The following FGF14 variants were observed in gnomAD, a reference collection of about 807,000 sequenced individuals.
FGF14 encodes the protein fibroblast growth factor 14.
In FGF14, 5 loss-of-function variants were observed where a neutral mutation model predicts 25.5. That is an observed-to-expected ratio of 0.20 (90% CI 0.10 to 0.41). The LOEUF (loss-of-function observed/expected upper bound fraction) is 0.41, where lower values mean the gene tolerates loss of function less well. Ranked by LOEUF, FGF14 falls within the 10% of genes least tolerant of loss-of-function variation. The probability of loss-of-function intolerance (pLI) is 1.00; values close to 1 mark genes in which losing one functional copy is unlikely to be tolerated. For missense variants in FGF14, 222 were observed against 320.1 expected, an observed-to-expected ratio of 0.69 and a Z score of 2.34; for synonymous variants, 138 against 118.3, an observed-to-expected ratio of 1.17 and a Z score of -1.08.
chr13:101,753,824 C>T (rs1358580103), intron 3 of FGF14, among the ~76,000 whole-genome samples: 3 of 151,662 alleles, frequency 2.0e-5, no homozygotes, highest in Non-Finnish European at 4.4e-5. Flanking sequence ...AAAAAATTTC[C>T]TTGTTTATCT....
intron 1 of FGF14, among the ~76,000 whole-genome samples, chr13:101,999,663 C>T (rs1020794644): frequency 6.6e-6 from 1 of 152,072 alleles, no homozygotes; most frequent in Non-Finnish European, 1.5e-5. Context: ...ATGCATTATC[C>T]TCAGTGACTT....
chr13:102,011,589 T>G (rs897318367), intron 1 of FGF14, among the ~76,000 whole-genome samples: 74 of 151,684 alleles, frequency 4.9e-4, no homozygotes, highest in African/African-American at 1.6e-3. Flanking sequence ...CGCAGGAGTA[T>G]GAAGCTTATC....
At chr13:102,307,191 G>T (rs188081568) in intron 1 of FGF14, among the ~76,000 whole-genome samples, 1 of 152,094 alleles carries the variant, frequency 6.6e-6, no homozygotes, top group Non-Finnish European at 1.5e-5. Context: ...CAAGGAAGTG[G>T]AGAGCTCAAT....
chr13:102,338,074 T>C (rs1172791651), intron 1 of FGF14, among the ~76,000 whole-genome samples: 1 of 152,082 alleles, frequency 6.6e-6, no homozygotes, highest in Non-Finnish European at 1.5e-5. Flanking sequence ...AACATGGTAA[T>C]ATTTTGTCTG....
intron 1 of FGF14, among the ~76,000 whole-genome samples, chr13:102,023,144 G>A (rs7326023): frequency 0.044 from 6,657 of 151,798 alleles, 470 homozygotes; most frequent in African/African-American, 0.15. Context: ...CTGATTGCCA[G>A]ATGTCTACTA....
At position 101,721,583 on chromosome 13, in the gene FGF14, G is replaced by T. The variant is rs1403146586; in HGVS notation, c.*1248C>A. On this transcript the variant is annotated 3_prime_UTR_variant, in exon 5 of 5. Coordinates refer to ENST00000376143, the MANE Select transcript of FGF14 (RefSeq NM_004115.4). ...AAATACACAGTACCGGACTCAGCAT[G>T]CTGAGCTAAAAAAAATATTTTTCCT... 1 of 152,056 alleles carries T rather than the reference G, an allele frequency of 6.6e-6. No homozygotes were observed. The highest frequency in any genetic ancestry group is 6.6e-5 in the Admixed American group (1 of 15,260). 9.4% of individuals were successfully genotyped at this position (152,056 alleles called of 1,614,324 possible).
chr13:101,942,486 AACAG>A (rs1312266555), intron 1 of FGF14, among the ~76,000 whole-genome samples: 12 of 152,190 alleles, frequency 7.9e-5, no homozygotes, highest in African/African-American at 2.9e-4. Flanking sequence ...TAATTTATGG[AACAG>A]ATCTATTAGC....
At chr13:102,108,083 T>A (rs1201026534) in intron 1 of FGF14, among the ~76,000 whole-genome samples, 1 of 152,218 alleles carries the variant, frequency 6.6e-6, no homozygotes, top group African/African-American at 2.4e-5. Flanking sequence ...TAATAACTTA[T>A]GAAATAGTCA....
In FGF14 at chr13:102,083,338, C is replaced by A. The variant is rs9585843; in HGVS notation, c.209-208042G>T. Among the ~76,000 whole-genome samples the A allele has an allele frequency of 1.2e-3, 182 of 152,222 alleles. 2 individuals are homozygous for A. The highest frequency in any genetic ancestry group is 4.1e-3 in the African/African-American group (172 of 41,550). Reference sequence around the variant, plus strand: ...CAAAATCTGAGGATTGAACTCTGACCGTTTTTTTTCTTCTTGCCCAGATTT... The same window carrying A: ...CAAAATCTGAGGATTGAACTCTGACAGTTTTTTTTCTTCTTGCCCAGATTT... On this transcript the variant is annotated intron_variant, in intron 1 of 4. Coordinates refer to the FGF14 transcript ENST00000376131.
chr13:102,014,798 G>A (rs925851490), intron 1 of FGF14, among the ~76,000 whole-genome samples: 6 of 152,070 alleles, frequency 3.9e-5, no homozygotes, highest in African/African-American at 1.4e-4. Flanking sequence ...AATCGCCATG[G>A]TTCTTTGTTG....
chr13:101,738,393 G>T (rs1362255858), intron 3 of FGF14, among the ~76,000 whole-genome samples: 1 of 152,168 alleles, frequency 6.6e-6, no homozygotes, highest in Non-Finnish European at 1.5e-5. Context: ...TGAATTTGTG[G>T]AATACAAAGG....
rs181380044 is a variant in FGF14, at chr13:101,795,285, C to T, written c.409-68475G>A. 4.1e-3 allele frequency among the ~76,000 whole-genome samples: 618 copies of T among 152,158 alleles called. 6 individuals are homozygous for T. The highest frequency in any genetic ancestry group is 0.015 in the African/African-American group (602 of 41,510). On this transcript the variant is annotated intron_variant, in intron 3 of 4. Coordinates refer to ENST00000376143, the MANE Select transcript of FGF14 (RefSeq NM_004115.4). ...ACAGTTTGCCAAATGCTGCCCTAAG[C>T]TGTTGTTTGATTGTTAAGCTATAAG...
intron 3 of FGF14, among the ~76,000 whole-genome samples, chr13:101,810,498 C>A (rs1446118333): frequency 6.6e-6 from 1 of 152,172 alleles, no homozygotes; most frequent in Admixed American, 6.5e-5. Context: ...CAATCTAATG[C>A]TGACGACCAT....
intron 1 of FGF14, among the ~76,000 whole-genome samples, chr13:102,391,421 A>G (rs1372119171): frequency 6.6e-6 from 1 of 152,206 alleles, no homozygotes; most frequent in Non-Finnish European, 1.5e-5. Context: ...TGTGTTGTTT[A>G]AAATTATTCC....
intron 1 of FGF14, among the ~76,000 whole-genome samples, chr13:101,937,901 TTC>T (rs2035208665): frequency 6.6e-6 from 1 of 152,162 alleles, no homozygotes. Flanking sequence ...CCCAGCCCAT[TTC>T]TGTTATTTAA....
chr13:101,913,036 A>G (rs1282251844), intron 1 of FGF14, among the ~76,000 whole-genome samples: 1 of 152,242 alleles, frequency 6.6e-6, no homozygotes, highest in Admixed American at 6.5e-5. Context: ...GACGTATGAA[A>G]TACCACAGGA....
At chr13:102,366,012 G>A (rs2057701022) in intron 1 of FGF14, among the ~76,000 whole-genome samples, 1 of 152,162 alleles carries the variant, frequency 6.6e-6, no homozygotes, top group Admixed American at 6.5e-5. Flanking sequence ...AGTTTAGAGT[G>A]CATATATAGG....
At chr13:101,840,529 G>T (rs573241282) in intron 3 of FGF14, among the ~76,000 whole-genome samples, 1 of 151,676 alleles carries the variant, frequency 6.6e-6, no homozygotes, top group East Asian at 1.9e-4. Flanking sequence ...AACTTTGATA[G>T]CTACAAGACT....
At chr13:101,845,745 A>G (rs2043423443) in intron 3 of FGF14, among the ~76,000 whole-genome samples, 1 of 152,034 alleles carries the variant, frequency 6.6e-6, no homozygotes. Flanking sequence ...TTTCAAGAAC[A>G]GGAAAAGTCA....
Sources: allele counts gnomAD v4.1 joint callset (sites outside exome capture counted in the v4.1 genomes callset), GRCh38; gene constraint gnomAD v4.1.1; transcripts MANE v1.5; gene names NCBI Gene and HGNC (gene_info 2026-07-23, HGNC 2026-07-21).